The following C14orf39 variants were observed in gnomAD, a reference collection of about 807,000 sequenced individuals.
The protein encoded by C14orf39 is protein SIX6OS1.
Under a neutral mutation model 85.6 loss-of-function variants are expected in C14orf39, and 66 were observed. The ratio of observed to expected loss-of-function variants is 0.77; its 90% confidence interval spans 0.63 to 0.95. C14orf39 has a LOEUF of 0.95. C14orf39 is among the 40% of genes least tolerant of loss of function. The pLI is 0.00. For missense variants in C14orf39, 735 were observed against 663.9 expected, an observed-to-expected ratio of 1.11 and a Z score of -1.18; for synonymous variants, 242 against 214.0, an observed-to-expected ratio of 1.13 and a Z score of -1.14.
chr14:60,473,072 T>C (rs1024123321), intron 5 of C14orf39, among the ~76,000 whole-genome samples: 3 of 152,146 alleles, frequency 2.0e-5, no homozygotes, highest in African/African-American at 7.2e-5. Flanking sequence ...ACCTGTTGTT[T>C]CCTGACTTTT....
chr14:60,457,783 T>C lies in C14orf39; in HGVS notation c.1180-688A>G, dbSNP rs118072399. Among the ~76,000 whole-genome samples the C allele has an allele frequency of 3.5e-3, 529 of 152,112 alleles. 1 individual carries two copies. Among genetic ancestry groups the C allele is most frequent in the Non-Finnish European group, 5.9e-3 (398 of 67,912 alleles). ...GTTAGACTGAACTTGATATACATTG[T>C]TTACATCTATCATCAGTAAAGTGTT... is the stretch of plus-strand genomic sequence containing the variant. On this transcript the variant is annotated intron_variant, in intron 14 of 17. Transcript: ENST00000321731.
At position 60,509,416 on chromosome 14, in the gene C14orf39, C is replaced by A. The variant is rs150715226; in HGVS notation, c.-144+5979G>T. 8 of 1,599,560 alleles carry A rather than the reference C, an allele frequency of 5.0e-6. No individual in the cohort carries two copies. Among genetic ancestry groups the A allele is most frequent in the African/African-American group, 1.3e-5 (1 of 75,064 alleles). ...CTGCCTCGATGTTCCAGCTGCCCAT[C>A]TTGAATTTCAGCCCCCAGCAAGTGG... On this transcript the variant is annotated intron_variant, in intron 1 of 5. Coordinates refer to the C14orf39 transcript ENST00000556799.
intron 1 of C14orf39, among the ~76,000 whole-genome samples, chr14:60,513,848 A>C (rs184570522): frequency 5.9e-5 from 9 of 152,358 alleles, no homozygotes; most frequent in Admixed American, 5.9e-4. Flanking sequence ...AGAGAAGACC[A>C]AACAGTGATG....
chr14:60,498,115 T>C (rs1350453797), intron 2 of C14orf39, among the ~76,000 whole-genome samples: 1 of 88,324 alleles, frequency 1.1e-5, no homozygotes, highest in Non-Finnish European at 2.8e-5. Context: ...TTAGTTTCCA[T>C]GAATTTATTG....
At chr14:60,447,287 A>G (rs1406820776) in intron 16 of C14orf39, among the ~76,000 whole-genome samples, 8 of 152,274 alleles carry the variant, frequency 5.3e-5, no homozygotes, top group Non-Finnish European at 1.0e-4. Context: ...ACATGATTGT[A>G]TATTTAGAAA....
At chr14:60,474,815 G>A (rs1308174636) in intron 5 of C14orf39, among the ~76,000 whole-genome samples, 2 of 152,078 alleles carry the variant, frequency 1.3e-5, no homozygotes, top group Non-Finnish European at 2.9e-5. Context: ...GTATTTTATT[G>A]AGGATTTTTG....
intron 4 of C14orf39, among the ~76,000 whole-genome samples, chr14:60,479,002 G>A (rs1892520661): frequency 6.6e-6 from 1 of 151,974 alleles, no homozygotes; most frequent in Non-Finnish European, 1.5e-5. Context: ...TACCATGGCG[G>A]CTTCCAGTGT....
At chr14:60,480,201 C>T (rs964734089) in intron 4 of C14orf39, among the ~76,000 whole-genome samples, 6 of 152,120 alleles carry the variant, frequency 3.9e-5, no homozygotes, top group Non-Finnish European at 8.8e-5. Context: ...GCAGGCATAT[C>T]ACCTGAGGTC....
chr14:60,465,220 T>C (rs1891727880), intron 11 of C14orf39, among the ~76,000 whole-genome samples: 1 of 152,162 alleles, frequency 6.6e-6, no homozygotes, highest in Non-Finnish European at 1.5e-5. Context: ...TTATAAGTTA[T>C]ACATATTTAC....
At chr14:60,464,804 T>A (rs1891706382) in intron 11 of C14orf39, among the ~76,000 whole-genome samples, 1 of 152,112 alleles carries the variant, frequency 6.6e-6, no homozygotes, top group South Asian at 2.1e-4. Context: ...TTCTGTCTTT[T>A]AATGGGAGTT....
chr14:60,460,532 C>T (rs1172909218), intron 13 of C14orf39, among the ~76,000 whole-genome samples: 1 of 151,580 alleles, frequency 6.6e-6, no homozygotes, highest in Non-Finnish European at 1.5e-5. Context: ...AGTTATCAGA[C>T]AAAAAGAGAT....
intron 5 of C14orf39, among the ~76,000 whole-genome samples, chr14:60,475,156 C>A (rs1892309707): frequency 6.6e-6 from 1 of 152,070 alleles, no homozygotes; most frequent in Non-Finnish European, 1.5e-5. Flanking sequence ...GGAATTTATC[C>A]ATTTCTTCTA....
At chr14:60,489,215 G>T (rs1229115455), upstream of C14orf39, among the ~76,000 whole-genome samples, 1 of 152,098 alleles carries the variant, frequency 6.6e-6, no homozygotes, top group Non-Finnish European at 1.5e-5. Flanking sequence ...TATTCACAAA[G>T]TCTTGCTGAT....
chr14:60,501,358 G>C (rs1161772401), intron 1 of C14orf39, among the ~76,000 whole-genome samples: 1 of 146,506 alleles, frequency 6.8e-6, no homozygotes, highest in Non-Finnish European at 1.5e-5. Context: ...AATACAGGCA[G>C]AAAGAGTTTT....
chr14:60,483,568 G>T, intron 4 of C14orf39, 123 bp downstream of exon 4: 1 of 753,720 alleles, frequency 1.3e-6, no homozygotes, highest in Non-Finnish European at 2.0e-6. Flanking sequence ...GCATAACAAG[G>T]CACATTAAGA....
chr14:60,471,041 G>GT (rs1276117939), intron 7 of C14orf39, among the ~76,000 whole-genome samples: 1 of 151,906 alleles, frequency 6.6e-6, no homozygotes, highest in African/African-American at 2.4e-5. Flanking sequence ...CTGGCATAAG[G>GT]TAGGTTTCCA....
rs768159640 is a variant in C14orf39, at chr14:60,474,022, C to T, written c.324-2283G>A. ...TATGGCCATTTTCACGATATTGATT[C>T]TTCCTACCCATGAGCATGGAATGTT... On this transcript the variant is annotated intron_variant, in intron 5 of 17. Coordinates refer to ENST00000321731, the MANE Select transcript of C14orf39 (RefSeq NM_174978.3). Among the ~76,000 whole-genome samples the T allele has an allele frequency of 7.6e-3, 1,154 of 152,260 alleles. 11 individuals are homozygous for T. The highest frequency in any genetic ancestry group is 0.027 in the Middle Eastern group (8 of 294).
intron 5 of C14orf39, among the ~76,000 whole-genome samples, chr14:60,472,469 T>C (rs1167184008): frequency 1.3e-5 from 2 of 152,178 alleles, no homozygotes; most frequent in Non-Finnish European, 1.5e-5. Context: ...GTTACATATG[T>C]ATACATGTGC....
At chr14:60,511,273 A>T (rs775890009) in intron 1 of C14orf39, 5 of 1,612,486 alleles carry the variant, frequency 3.1e-6, no homozygotes, top group Admixed American at 1.7e-5. Context: ...CAGGATGCTC[A>T]GAAGCAGATT....
Sources: gnomAD v4.1 joint callset for allele counts (sites outside exome capture counted in the v4.1 genomes callset) on GRCh38, gnomAD v4.1.1 for gene constraint, MANE v1.5 for transcripts, NCBI Gene and HGNC (gene_info 2026-07-23, HGNC 2026-07-21) for gene names.